The following RGPD3 variants were observed in gnomAD, a reference collection of about 807,000 sequenced individuals.
The protein encoded by RGPD3 is ranBP2-like and GRIP domain-containing protein 3.
Under a neutral mutation model 154.5 loss-of-function variants are expected in RGPD3, and 62 were observed. The ratio of observed to expected loss-of-function variants is 0.40; its 90% CI spans 0.33 to 0.50. The LOEUF (loss-of-function observed/expected upper bound fraction) is 0.50. RGPD3 is among the 20% of genes least tolerant of loss of function. The pLI, the probability that RGPD3 is intolerant of heterozygous loss-of-function variation, is 0.59. For missense variants in RGPD3, 919 were observed against 1,716.8 expected (o/e 0.54, Z 8.21); for synonymous variants, 308 against 607.0 (o/e 0.51, Z 7.24).
chr2:106,407,213 C>A (rs1486203015), intron 22 of RGPD3, among the ~76,000 whole-genome samples: 1 of 151,654 alleles, frequency 6.6e-6, no homozygotes, highest in East Asian at 2.0e-4. Context: ...CTTGCTTCAA[C>A]AAAGTGTGCA....
intron 21 of RGPD3, among the ~76,000 whole-genome samples, chr2:106,415,625 C>A (rs1435828982): frequency 8.1e-6 from 1 of 123,830 alleles, no homozygotes; most frequent in African/African-American, 3.1e-5. Flanking sequence ...TGTAGTGAGC[C>A]GGGATCGTGC....
intron 17 of RGPD3, among the ~76,000 whole-genome samples, chr2:106,432,460 A>G (rs941132658): frequency 2.9e-5 from 4 of 139,326 alleles, no homozygotes; most frequent in African/African-American, 1.1e-4. Context: ...CTCAAAAATA[A>G]AATAAAATAA....
At chr2:106,470,188 T>A (rs1423199712), upstream of RGPD3, among the ~76,000 whole-genome samples, 2 of 152,204 alleles carry the variant, frequency 1.3e-5, no homozygotes, top group Non-Finnish European at 2.9e-5. Context: ...CCAAACCCTA[T>A]CCTGCCTCAC....
Position 106,423,553 on chromosome 2 carries a change from A to T in RGPD3, c.4414T>A (p.Ser1472Thr). ...DEAKTAQEKDSLITPHVSRSS... is the reference protein window; with the variant it reads ...DEAKTAQEKDTLITPHVSRSS... ...CGAGAAACATGAGGTGTTATCAAAG[A>T]ATCTTTTTCCTGGGCTGTTTTTGCT... is the stretch of plus-strand genomic sequence containing the variant. Residue 1472 changes from serine to threonine, a missense_variant, in exon 20 of 23, where the codon TCT becomes ACT. Coordinates refer to ENST00000409886, the MANE Select transcript of RGPD3 (RefSeq NM_001144013.2). 3 of 1,484,438 alleles carry T rather than the reference A, an allele frequency of 2.0e-6. No homozygotes were observed. The highest frequency in any genetic ancestry group is 2.8e-6 in the Non-Finnish European group (3 of 1,086,482). 92.0% of individuals were successfully genotyped at this position (1,484,438 alleles called of 1,614,324 possible). A position where few individuals can be genotyped will look rare whatever the true frequency, so the allele number is the denominator to read the frequency against.
At chr2:106,465,957 C>G (rs912891415) in intron 1 of RGPD3, among the ~76,000 whole-genome samples, 3 of 151,916 alleles carry the variant, frequency 2.0e-5, no homozygotes, top group East Asian at 2.0e-4. Flanking sequence ...AAAGCTCACC[C>G]GGAGCTGCGT....
chr2:106,467,961 C>A (rs561519581), intron 1 of RGPD3, among the ~76,000 whole-genome samples: 27 of 133,532 alleles, frequency 2.0e-4, no homozygotes, highest in Non-Finnish European at 3.5e-4. Context: ...CCTGAGCCAT[C>A]GAGGCCGCCG....
At chr2:106,468,192 G>T in intron 1 of RGPD3, 25 bp downstream of exon 1, 1 of 1,591,636 alleles carries the variant, frequency 6.3e-7, no homozygotes, top group African/African-American at 1.3e-5. Context: ...GGTCGAGGCC[G>T]TCGGTCTCTT....
chr2:106,464,277 T>C (rs1573305335), intron 1 of RGPD3, among the ~76,000 whole-genome samples: 1 of 141,912 alleles, frequency 7.0e-6, no homozygotes. Context: ...GGAGGCAGAG[T>C]TTGCAGTGAG....
At chr2:106,413,976 A>C (rs957882753) in intron 21 of RGPD3, among the ~76,000 whole-genome samples, 1 of 152,208 alleles carries the variant, frequency 6.6e-6, no homozygotes, top group African/African-American at 2.4e-5. Flanking sequence ...TGAGGGGAAC[A>C]TCGGCAGCCT....
rs1431597138 is a variant in RGPD3 at position 106,449,960 on chromosome 2, T to C, written c.782+2245A>G. Among the ~76,000 whole-genome samples, 5 of 145,356 alleles carry C rather than the reference T, an allele frequency of 3.4e-5. No individual in the cohort carries two copies. The East Asian group carries it at 8.5e-4, about 25-fold the overall frequency. On this transcript the variant is annotated intron_variant, in intron 6 of 22. Transcript: ENST00000409886. ...TGAACCCTGGAGACACAGCTTGCAGTGAGCCGAGATGGCGCCACTGCACTC... is the reference window on the plus strand; with the variant it reads ...TGAACCCTGGAGACACAGCTTGCAGCGAGCCGAGATGGCGCCACTGCACTC...
chr2:106,462,165 G>A (rs898669547), intron 1 of RGPD3, among the ~76,000 whole-genome samples: 2 of 152,154 alleles, frequency 1.3e-5, no homozygotes. Flanking sequence ...ACAGGCGTCA[G>A]CCACGGAGCC....
intron 22 of RGPD3, among the ~76,000 whole-genome samples, chr2:106,405,972 CATTA>C: frequency 6.8e-6 from 1 of 147,856 alleles, no homozygotes; most frequent in Non-Finnish European, 1.5e-5. Flanking sequence ...TGTTCTTGAA[CATTA>C]TTTATTGTCT....
At chr2:106,448,146 C>T (rs1053302899) in intron 6 of RGPD3, among the ~76,000 whole-genome samples, 7 of 145,520 alleles carry the variant, frequency 4.8e-5, no homozygotes, top group African/African-American at 1.0e-4. Flanking sequence ...CTCTCACTAT[C>T]GCCTGGGCTG....
rs373989576 is a variant in RGPD3, at chr2:106,467,619, G to T, written c.72+598C>A. Among the ~76,000 whole-genome samples, 3 of 25,846 alleles carry T rather than the reference G, an allele frequency of 1.2e-4. 1 individual carries two copies. Among genetic ancestry groups the T allele is most frequent in the African/African-American group, 4.1e-4 (3 of 7,256 alleles). The allele number at this position is 25,846 out of a possible 152,430, so 17.0% of individuals were successfully genotyped here. A position where few individuals can be genotyped will look rare whatever the true frequency, so the allele number is the denominator to read the frequency against. On this transcript the variant is annotated intron_variant, in intron 1 of 22. Coordinates refer to ENST00000409886, the MANE Select transcript of RGPD3 (RefSeq NM_001144013.2). ...GAGCCATCAAGGCAGCCGCCGGGCC[G>T]GGTCGAGGCAGCCGCCTCCACAGAG... is the stretch of plus-strand genomic sequence containing the variant.
At chr2:106,422,174 A>AT (rs1430062832) in intron 20 of RGPD3, among the ~76,000 whole-genome samples, 2 of 151,076 alleles carry the variant, frequency 1.3e-5, no homozygotes, top group African/African-American at 2.4e-5. Flanking sequence ...AGAATATTTC[A>AT]TTTTTTAACA....
At chr2:106,467,809 C>G (rs1484889281) in intron 1 of RGPD3, among the ~76,000 whole-genome samples, 2 of 136,670 alleles carry the variant, frequency 1.5e-5, no homozygotes. Flanking sequence ...AGGTCGAGGC[C>G]GCGGCCTCAA....
intron 21 of RGPD3, among the ~76,000 whole-genome samples, chr2:106,414,418 T>C (rs1350089239): frequency 6.6e-6 from 1 of 151,934 alleles, no homozygotes; most frequent in Non-Finnish European, 1.5e-5. Context: ...GGTCAGGAGA[T>C]TTAGACCATC....
chr2:106,462,675 T>A (rs1573303548), intron 1 of RGPD3, among the ~76,000 whole-genome samples: 3 of 152,232 alleles, frequency 2.0e-5, no homozygotes, highest in Non-Finnish European at 4.4e-5. Flanking sequence ...CATTATGCAG[T>A]TCTGAATTTC....
intron 18 of RGPD3, 128 bp from the exon 19 acceptor site, chr2:106,426,216 A>G (rs1677191834): frequency 1.7e-6 from 1 of 582,102 alleles, no homozygotes; most frequent in East Asian, 2.8e-5. Flanking sequence ...TAAATTTTAA[A>G]TTTCTGTACA....
Sources: allele counts gnomAD v4.1 joint callset (sites outside exome capture counted in the v4.1 genomes callset), GRCh38; gene constraint gnomAD v4.1.1; transcripts MANE v1.5; gene names NCBI Gene and HGNC (gene_info 2026-07-23, HGNC 2026-07-21).